GNG12: variants seen among roughly 807,000 people sequenced by gnomAD.
GNG12 encodes the protein guanine nucleotide-binding protein G(I)/G(S)/G(O) subunit gamma-12.
For synonymous variants in GNG12, 28 were observed against 29.7 expected (o/e 0.94, Z 0.19); for missense variants, 69 against 83.8 (o/e 0.82, Z 0.69).
chr1:67,816,007 G>A (rs2100814930), intron 1 of GNG12, among the ~76,000 whole-genome samples: 1 of 152,268 alleles, frequency 6.6e-6, no homozygotes, highest in South Asian at 2.1e-4. Context: ...TGCGGCCGGG[G>A]CTCCATGATT....
chr1:67,745,701 T>C (rs1055951484), intron 2 of GNG12, among the ~76,000 whole-genome samples: 3 of 152,146 alleles, frequency 2.0e-5, no homozygotes, highest in African/African-American at 4.8e-5. Flanking sequence ...GGGTAACAGG[T>C]GGATACTTAG....
intron 2 of GNG12, among the ~76,000 whole-genome samples, chr1:67,755,189 TA>T (rs1244348853): frequency 4.6e-5 from 7 of 152,206 alleles, no homozygotes; most frequent in Non-Finnish European, 7.3e-5. Flanking sequence ...GATAGCAGAG[TA>T]GGTGGAAAGA....
At chr1:67,731,160 T>G (rs1646416858) in intron 2 of GNG12, among the ~76,000 whole-genome samples, 1 of 152,144 alleles carries the variant, frequency 6.6e-6, no homozygotes, top group Admixed American at 6.6e-5. Flanking sequence ...CTCTTGAGAT[T>G]CTACCCATGC....
chr1:67,793,880 G>C (rs1306105907), intron 1 of GNG12, among the ~76,000 whole-genome samples: 1 of 152,146 alleles, frequency 6.6e-6, no homozygotes, highest in African/African-American at 2.4e-5. Flanking sequence ...CACAGTTTCT[G>C]GCATTAGTCA....
chr1:67,721,833 C>T (rs773424994), intron 2 of GNG12, among the ~76,000 whole-genome samples: 1 of 152,148 alleles, frequency 6.6e-6, no homozygotes, highest in Non-Finnish European at 1.5e-5. Flanking sequence ...TAATTCCCTA[C>T]GTGACCAACT....
chr1:67,715,401 G>A (rs1646319758), intron 2 of GNG12, among the ~76,000 whole-genome samples: 1 of 152,186 alleles, frequency 6.6e-6, no homozygotes, highest in Non-Finnish European at 1.5e-5. Context: ...TTTTCTTGAT[G>A]TTAGAGCTCC....
chr1:67,746,930 G>GT (rs1225455267), intron 2 of GNG12, among the ~76,000 whole-genome samples: 1 of 150,776 alleles, frequency 6.6e-6, no homozygotes, highest in African/African-American at 2.5e-5. Context: ...TACTTTAAAA[G>GT]TGTGTGTTTT....
At chr1:67,813,674 T>C (rs559720935) in intron 1 of GNG12, among the ~76,000 whole-genome samples, 28 of 121,494 alleles carry the variant, frequency 2.3e-4, no homozygotes, top group Non-Finnish European at 3.8e-4. Flanking sequence ...AATATAAACA[T>C]GGAATACGAT....
At chr1:67,770,447 C>T (rs1454122081) in intron 2 of GNG12, among the ~76,000 whole-genome samples, 1 of 152,104 alleles carries the variant, frequency 6.6e-6, no homozygotes, top group Non-Finnish European at 1.5e-5. Context: ...GAGTACTGTC[C>T]CCTTGCCCCA....
chr1:67,784,814 G>T (rs373810738), intron 1 of GNG12, among the ~76,000 whole-genome samples: 55 of 23,032 alleles, frequency 2.4e-3, no homozygotes, highest in African/African-American at 8.3e-3. Context: ...GCTATATTTT[G>T]TATAAACTTA....
chr1:67,750,604 T>C (rs1404160291), intron 2 of GNG12, among the ~76,000 whole-genome samples: 1 of 152,220 alleles, frequency 6.6e-6, no homozygotes, highest in Non-Finnish European at 1.5e-5. Context: ...GATCATTTTA[T>C]ATCATTAGCC....
chr1:67,795,835 G>C lies in GNG12; in HGVS notation c.-76-18328C>G, dbSNP rs183026126. 1.6e-4 allele frequency among the ~76,000 whole-genome samples: 25 copies of C among 152,272 alleles called. No individual in the cohort carries two copies. In the East Asian group the frequency reaches 4.4e-3, roughly 27 times the overall value. Reference sequence around the variant, plus strand: ...ACAGGAAAAGGGCAACATGAACCAAGGTCAGATGCAAAGGCAGGCAGACCA... The same window carrying C: ...ACAGGAAAAGGGCAACATGAACCAACGTCAGATGCAAAGGCAGGCAGACCA... On this transcript the variant is annotated intron_variant, in intron 1 of 3. Coordinates refer to ENST00000370982, the MANE Select transcript of GNG12 (RefSeq NM_018841.6).
chr1:67,739,160 C>A (rs1047466115), intron 2 of GNG12, among the ~76,000 whole-genome samples: 1 of 152,186 alleles, frequency 6.6e-6, no homozygotes, highest in Admixed American at 6.5e-5. Flanking sequence ...GGCTGGGCAA[C>A]AGAGTGAGAA....
At chr1:67,818,412 GGTTTTTT>G (rs1186740994) in intron 1 of GNG12, among the ~76,000 whole-genome samples, 3 of 112,606 alleles carry the variant, frequency 2.7e-5, no homozygotes, top group African/African-American at 1.2e-4. Context: ...AAAGACCAGG[GGTTTTTT>G]TTTTTTTTTT....
intron 2 of GNG12, among the ~76,000 whole-genome samples, chr1:67,724,409 G>A (rs573637992): frequency 4.6e-5 from 7 of 152,258 alleles, no homozygotes; most frequent in East Asian, 1.9e-4. Flanking sequence ...TCGTTCATTC[G>A]AGACGAAATC....
chr1:67,705,435 C>G lies in GNG12; in HGVS notation c.*16G>C. 6.2e-7 allele frequency: 1 copy of G among 1,612,386 alleles called. No homozygotes were observed. Among genetic ancestry groups the G allele is most frequent in the Non-Finnish European group, 8.5e-7 (1 of 1,179,418 alleles). On this transcript the variant is annotated 3_prime_UTR_variant, in exon 4 of 4. Transcript: ENST00000370982. Reference sequence around the variant, plus strand: ...TGCGTTGTTGGGAAGAGGCGAGGAGCTGTTTCTCTATTCCACTATAAGATG... The same window carrying G: ...TGCGTTGTTGGGAAGAGGCGAGGAGGTGTTTCTCTATTCCACTATAAGATG...
At chr1:67,715,921 TGAAG>T (rs1420844414) in intron 2 of GNG12, among the ~76,000 whole-genome samples, 2 of 152,184 alleles carry the variant, frequency 1.3e-5, no homozygotes, top group African/African-American at 4.8e-5. Flanking sequence ...CTCTAAAACT[TGAAG>T]GGAGGAAGGA....
chr1:67,730,167 G>T (rs189999767), intron 2 of GNG12, among the ~76,000 whole-genome samples: 31 of 152,232 alleles, frequency 2.0e-4, no homozygotes, highest in Admixed American at 5.9e-4. Flanking sequence ...GATGAGTCTC[G>T]CAAACATAAA....
intron 1 of GNG12, among the ~76,000 whole-genome samples, chr1:67,817,787 C>CTTT (rs66518207): frequency 1.2e-4 from 13 of 108,230 alleles, no homozygotes; most frequent in East Asian, 2.6e-4. Flanking sequence ...TTCTTTCTTT[C>CTTT]TTTTTTTTTT....
Sources: gnomAD v4.1 joint callset for allele counts (sites outside exome capture counted in the v4.1 genomes callset) on GRCh38, gnomAD v4.1.1 for gene constraint, MANE v1.5 for transcripts, NCBI Gene and HGNC (gene_info 2026-07-23, HGNC 2026-07-21) for gene names.